The following ARMH4 variants were observed in gnomAD, a reference collection of about 807,000 sequenced individuals.
ARMH4 encodes the protein armadillo-like helical domain-containing protein 4.
Under a neutral mutation model 61.9 loss-of-function variants are expected in ARMH4, and 49 were observed. The ratio of observed to expected loss-of-function variants is 0.79; its 90% confidence interval spans 0.63 to 1.00. ARMH4 has a LOEUF of 1.00. Among genes scored for constraint, ARMH4 ranks in the 50% least tolerant of loss-of-function variants. The pLI is 0.00. For missense variants in ARMH4, 934 were observed against 930.0 expected (o/e 1.00, Z -0.06); for synonymous variants, 368 against 341.5 (o/e 1.08, Z -0.85).
intron 5 of ARMH4, among the ~76,000 whole-genome samples, chr14:58,075,479 C>A (rs955403218): frequency 2.6e-5 from 4 of 152,114 alleles, no homozygotes; most frequent in Non-Finnish European, 4.4e-5. Context: ...TAGAAAGCAT[C>A]ATTCTCAGCA....
intron 5 of ARMH4, among the ~76,000 whole-genome samples, chr14:58,083,378 G>C (rs1325411056): frequency 6.6e-6 from 1 of 152,200 alleles, no homozygotes; most frequent in African/African-American, 2.4e-5. Context: ...CCAGGAGTTT[G>C]AGACCAGCTT....
chr14:58,056,931 C>T (rs972063922), intron 5 of ARMH4, among the ~76,000 whole-genome samples: 4 of 152,110 alleles, frequency 2.6e-5, no homozygotes, highest in African/African-American at 9.7e-5. Flanking sequence ...AGGGCCCACA[C>T]CTGAAGAGAG....
chr14:58,020,193 T>C (rs9323323), intron 5 of ARMH4, among the ~76,000 whole-genome samples: 44,304 of 152,036 alleles, frequency 0.29, 6,635 homozygotes, highest in African/African-American at 0.33. Context: ...CAGACCTTTA[T>C]GGCTCTAAAG....
chr14:58,104,985 TA>T (rs1281102359), intron 4 of ARMH4, among the ~76,000 whole-genome samples: 2 of 152,138 alleles, frequency 1.3e-5, no homozygotes, highest in African/African-American at 4.8e-5. Context: ...CCAACAGCTG[TA>T]AAACAAACCA....
intron 5 of ARMH4, among the ~76,000 whole-genome samples, chr14:58,087,640 G>A (rs1329546104): frequency 2.0e-5 from 3 of 152,116 alleles, no homozygotes; most frequent in Non-Finnish European, 4.4e-5. Flanking sequence ...TATGACTCTT[G>A]GAATTAATGA....
chr14:58,078,009 T>C (rs1218481474), intron 5 of ARMH4, among the ~76,000 whole-genome samples: 3 of 152,254 alleles, frequency 2.0e-5, no homozygotes, highest in Non-Finnish European at 4.4e-5. Context: ...TTCTGATATT[T>C]GCCTTGCTGA....
At chr14:58,020,654 G>A (rs1310115354) in intron 5 of ARMH4, among the ~76,000 whole-genome samples, 1 of 152,160 alleles carries the variant, frequency 6.6e-6, no homozygotes, top group Non-Finnish European at 1.5e-5. Flanking sequence ...AAAATAAACT[G>A]GATCTCTTAG....
chr14:58,059,313 C>T (rs1884454658), intron 5 of ARMH4, among the ~76,000 whole-genome samples: 1 of 152,218 alleles, frequency 6.6e-6, no homozygotes, highest in South Asian at 2.1e-4. Flanking sequence ...TCTGGGAAGG[C>T]ATGCTCCCAG....
chr14:58,144,736 C>T (rs1484322496), intron 1 of ARMH4, among the ~76,000 whole-genome samples: 3 of 151,984 alleles, frequency 2.0e-5, no homozygotes, highest in Non-Finnish European at 4.4e-5. Context: ...GGCATGGTGG[C>T]GGGCGCCTGT....
At chr14:58,014,096 A>T (rs533408758) in intron 5 of ARMH4, among the ~76,000 whole-genome samples, 1 of 152,266 alleles carries the variant, frequency 6.6e-6, no homozygotes, top group African/African-American at 2.4e-5. Flanking sequence ...AAGACTTTCG[A>T]ACTACCAATT....
At chr14:58,070,798 G>C (rs1305158995) in intron 5 of ARMH4, among the ~76,000 whole-genome samples, 3 of 152,082 alleles carry the variant, frequency 2.0e-5, no homozygotes, top group Non-Finnish European at 2.9e-5. Context: ...CAAATAGTAG[G>C]TCTTCTTCAT....
At chr14:58,099,018 G>A (rs562043688) in intron 4 of ARMH4, among the ~76,000 whole-genome samples, 6 of 152,250 alleles carry the variant, frequency 3.9e-5, no homozygotes, top group Admixed American at 3.3e-4. Flanking sequence ...GTAATTTCAA[G>A]GTAGAACCCT....
At chr14:58,147,923 T>C (rs1334744237) in intron 1 of ARMH4, among the ~76,000 whole-genome samples, 3 of 152,178 alleles carry the variant, frequency 2.0e-5, no homozygotes, top group Non-Finnish European at 2.9e-5. Context: ...TCCCCAAATA[T>C]GCAATTGCCA....
chr14:58,055,060 C>T (rs543683783), intron 5 of ARMH4, among the ~76,000 whole-genome samples: 1 of 152,184 alleles, frequency 6.6e-6, no homozygotes, highest in South Asian at 2.1e-4. Flanking sequence ...GCTGCCACTG[C>T]TAAATAAAGA....
intron 5 of ARMH4, among the ~76,000 whole-genome samples, chr14:58,092,389 A>G (rs962070058): frequency 6.6e-6 from 1 of 152,272 alleles, no homozygotes; most frequent in East Asian, 1.9e-4. Flanking sequence ...CATAGCTGCC[A>G]TGAGGCTCTG....
intron 4 of ARMH4, among the ~76,000 whole-genome samples, chr14:58,102,954 A>G (rs972516702): frequency 5.3e-5 from 8 of 151,888 alleles, no homozygotes; most frequent in South Asian, 2.1e-4. Context: ...ACCAATGTGG[A>G]GAAACCTACT....
chr14:58,038,661 A>G (rs1387778958), intron 5 of ARMH4, among the ~76,000 whole-genome samples: 1 of 152,226 alleles, frequency 6.6e-6, no homozygotes, highest in African/African-American at 2.4e-5. Context: ...GATTAAATAA[A>G]AAGATATAGT....
intron 5 of ARMH4, among the ~76,000 whole-genome samples, chr14:58,057,008 A>C (rs1247868809): frequency 2.0e-5 from 3 of 152,132 alleles, no homozygotes; most frequent in Non-Finnish European, 4.4e-5. Context: ...ACAATGCCCT[A>C]CTAGGTGGCA....
At chr14:58,041,086 A>T (rs1006233777) in intron 5 of ARMH4, among the ~76,000 whole-genome samples, 7 of 152,192 alleles carry the variant, frequency 4.6e-5, no homozygotes, top group Admixed American at 4.6e-4. Flanking sequence ...TACTGGGTTC[A>T]TCTCCATGGG....
Sources: gnomAD v4.1 joint callset for allele counts (sites outside exome capture counted in the v4.1 genomes callset) on GRCh38, gnomAD v4.1.1 for gene constraint, MANE v1.5 for transcripts, NCBI Gene and HGNC (gene_info 2026-07-23, HGNC 2026-07-21) for gene names.